The following LPP variants were observed in gnomAD, a reference collection of about 807,000 sequenced individuals.
LPP encodes the protein LIM domain containing preferred translocation partner in lipoma, also known as lipoma-preferred partner.
In LPP, 38 loss-of-function variants were observed where a neutral mutation model predicts 60.4. The ratio of observed to expected loss-of-function variants is 0.63; its 90% CI spans 0.49 to 0.83. The LOEUF is 0.83. Ranked by LOEUF, LPP falls within the 40% of genes least tolerant of loss-of-function variation. The probability of loss-of-function intolerance (pLI) is 0.00; values close to 1 mark genes in which losing one functional copy is unlikely to be tolerated. For synonymous variants in LPP, 328 were observed against 290.8 expected, an observed-to-expected ratio of 1.13 and a Z score of -1.30; for missense variants, 902 against 783.6, an observed-to-expected ratio of 1.15 and a Z score of -1.80.
At chr3:188,619,958 G>A (rs1225575220) in intron 7 of LPP, among the ~76,000 whole-genome samples, 1 of 152,052 alleles carries the variant, frequency 6.6e-6, no homozygotes, top group African/African-American at 2.4e-5. Context: ...TAAACTTCAA[G>A]ATCTGTCTCT....
At chr3:188,294,569 G>A (rs1747210259) in intron 2 of LPP, among the ~76,000 whole-genome samples, 1 of 151,884 alleles carries the variant, frequency 6.6e-6, no homozygotes, top group Non-Finnish European at 1.5e-5. Flanking sequence ...CTAACTTCAT[G>A]CACGTTTTTT....
intron 2 of LPP, among the ~76,000 whole-genome samples, chr3:188,294,872 G>T (rs752656843): frequency 2.0e-5 from 3 of 152,218 alleles, no homozygotes; most frequent in African/African-American, 7.2e-5. Context: ...ACAAGCTCCC[G>T]CTTAGGAGGT....
intron 4 of LPP, among the ~76,000 whole-genome samples, chr3:188,426,245 C>T (rs916683950): frequency 5.3e-5 from 8 of 152,140 alleles, no homozygotes; most frequent in African/African-American, 1.9e-4. Context: ...GTTCAGTTTC[C>T]ATGCAGTTGT....
intron 4 of LPP, among the ~76,000 whole-genome samples, chr3:188,452,207 A>G (rs1263766454): frequency 6.6e-6 from 1 of 152,240 alleles, no homozygotes; most frequent in African/African-American, 2.4e-5. Context: ...GTTAACATTA[A>G]TTAAGTTTCC....
At chr3:188,770,952 G>A (rs966148030) in intron 9 of LPP, among the ~76,000 whole-genome samples, 1 of 152,218 alleles carries the variant, frequency 6.6e-6, no homozygotes, top group Non-Finnish European at 1.5e-5. Flanking sequence ...AAACATTAGC[G>A]TGCTCAGCTC....
chr3:188,347,410 C>G (rs1578235663), intron 3 of LPP, among the ~76,000 whole-genome samples: 2 of 152,254 alleles, frequency 1.3e-5, no homozygotes, highest in African/African-American at 4.8e-5. Flanking sequence ...ACACATTATG[C>G]ATAACTCAGT....
At position 188,352,067 on chromosome 3, in the gene LPP, TCTA is replaced by T. The variant is rs1766019162; in HGVS notation, c.-10+10349_-10+10351del. Among the ~76,000 whole-genome samples the T allele has an allele frequency of 6.6e-6, 1 of 152,188 alleles. No homozygotes were observed. Among genetic ancestry groups the T allele is most frequent in the African/African-American group, 2.4e-5 (1 of 41,452 alleles). On this transcript the variant is annotated intron_variant, in intron 3 of 11. Coordinates refer to ENST00000617246, the MANE Select transcript of LPP (RefSeq NM_001375462.1). The surrounding 1 kb of genome is among the most constrained non-coding windows in gnomAD (Gnocchi z 4.4). ...TTTCCTCCCCCCTTGTCATTTTTCT[TCTA>T]TTACTTTTGCTTCTTCCCCTTCCTC...
At chr3:188,684,528 C>A (rs73888876) in intron 7 of LPP, among the ~76,000 whole-genome samples, 5,168 of 152,166 alleles carry the variant, frequency 0.034, 271 homozygotes, top group African/African-American at 0.12. Context: ...TAGCTTATAG[C>A]TAAAAACCAC....
At chr3:188,573,754 A>G (rs1834008804) in intron 6 of LPP, among the ~76,000 whole-genome samples, 1 of 152,040 alleles carries the variant, frequency 6.6e-6, no homozygotes, top group African/African-American at 2.4e-5. Flanking sequence ...TGCGGGGTAT[A>G]GAGCTCCTAA....
At chr3:188,727,758 T>C (rs1718958772) in intron 8 of LPP, among the ~76,000 whole-genome samples, 1 of 152,150 alleles carries the variant, frequency 6.6e-6, no homozygotes, top group African/African-American at 2.4e-5. Flanking sequence ...AGGTAAGCAT[T>C]CATATCCGGA....
At chr3:188,618,333 A>G (rs1365295745) in intron 7 of LPP, among the ~76,000 whole-genome samples, 2 of 152,244 alleles carry the variant, frequency 1.3e-5, no homozygotes, top group Non-Finnish European at 2.9e-5. Flanking sequence ...AATTTTGAAA[A>G]TATGAGATAA....
chr3:188,747,155 A>G (rs1726503627), intron 8 of LPP, among the ~76,000 whole-genome samples: 1 of 152,198 alleles, frequency 6.6e-6, no homozygotes, highest in Non-Finnish European at 1.5e-5. Context: ...TCATTGGTCC[A>G]GAAAGTGTAC....
rs995183491 is a variant in LPP, at chr3:188,610,797, C to T, written c.1113+953C>T. Reference sequence around the variant, plus strand: ...GGAACCAATAAGAATAACTTGGAATCGGTGAAAATAGAGGAACTGAGCCAG... The same window carrying T: ...GGAACCAATAAGAATAACTTGGAATTGGTGAAAATAGAGGAACTGAGCCAG... On this transcript the variant is annotated intron_variant, in intron 7 of 11. Coordinates refer to ENST00000617246, the MANE Select transcript of LPP (RefSeq NM_001375462.1). This position sits in a 1 kb window ranked among gnomAD's most constrained non-coding sequence, Gnocchi z 4.4. Among the ~76,000 whole-genome samples the T allele has an allele frequency of 1.3e-4, 20 of 152,104 alleles. No individual in the cohort carries two copies. The highest frequency in any genetic ancestry group is 2.4e-4 in the Non-Finnish European group (16 of 68,030).
At chr3:188,275,169 T>C (rs1164850845) in intron 2 of LPP, among the ~76,000 whole-genome samples, 1 of 152,178 alleles carries the variant, frequency 6.6e-6, no homozygotes, top group Non-Finnish European at 1.5e-5. Context: ...TGACTTTGGG[T>C]CATCACTTTC....
intron 2 of LPP, among the ~76,000 whole-genome samples, chr3:188,273,729 G>A (rs1738666137): frequency 6.7e-6 from 1 of 150,188 alleles, no homozygotes. Context: ...CCTAGTAGCT[G>A]GGGTTACAGG....
chr3:188,276,151 A>G (rs1577769245), intron 2 of LPP, among the ~76,000 whole-genome samples: 2 of 152,164 alleles, frequency 1.3e-5, no homozygotes, highest in African/African-American at 2.4e-5. Flanking sequence ...CCTTTCCTCT[A>G]TTCTTTCTCT....
chr3:188,655,498 G>A (rs1030531926), intron 7 of LPP, among the ~76,000 whole-genome samples: 3 of 152,194 alleles, frequency 2.0e-5, no homozygotes, highest in African/African-American at 7.2e-5. Context: ...ACGATGCTGG[G>A]TAGAAGATGC....
chr3:188,863,862 A>G (rs1052061762), intron 9 of LPP, among the ~76,000 whole-genome samples: 1 of 152,058 alleles, frequency 6.6e-6, no homozygotes, highest in Non-Finnish European at 1.5e-5. Context: ...GTTTTGAGTA[A>G]ATGAGCTGAA....
At chr3:188,584,863 C>T (rs1022880747) in intron 6 of LPP, among the ~76,000 whole-genome samples, 1 of 151,978 alleles carries the variant, frequency 6.6e-6, no homozygotes, top group Non-Finnish European at 1.5e-5. Context: ...CCTGAGTTCT[C>T]TCTGTGATAT....
Sources: gnomAD v4.1 joint callset for allele counts (sites outside exome capture counted in the v4.1 genomes callset) on GRCh38, gnomAD v4.1.1 for gene constraint, Gnocchi (gnomAD v3.1) non-coding constraint, MANE v1.5 for transcripts, NCBI Gene and HGNC (gene_info 2026-07-23, HGNC 2026-07-21) for gene names.